Variants in KHDRBS2 observed in about 807,000 individuals in gnomAD.
KHDRBS2 encodes the protein KH RNA binding domain containing, signal transduction associated 2, also known as KH domain-containing, RNA-binding, signal transduction-associated protein 2.
A neutral mutation model predicts 44.3 loss-of-function variants in KHDRBS2; 26 were observed. The observed-to-expected ratio is 0.59, with a 90% confidence interval of 0.43 to 0.81. The LOEUF is 0.81. Ranked by LOEUF, KHDRBS2 falls within the 40% of genes least tolerant of loss-of-function variation. The probability of loss-of-function intolerance (pLI) is 0.00; values close to 1 mark genes in which losing one functional copy is unlikely to be tolerated. For synonymous variants in KHDRBS2, 194 were observed against 151.1 expected (o/e 1.28, Z -2.08); for missense variants, 476 against 433.1 (o/e 1.10, Z -0.88).
intron 6 of KHDRBS2, among the ~76,000 whole-genome samples, chr6:61,763,569 G>T (rs1392789753): frequency 1.3e-5 from 2 of 152,096 alleles, no homozygotes; most frequent in African/African-American, 4.8e-5. Context: ...ATCATTAGGA[G>T]CCCTTTTAGA....
intron 4 of KHDRBS2, among the ~76,000 whole-genome samples, chr6:61,953,729 G>A (rs1348781465): frequency 6.6e-6 from 1 of 152,104 alleles, no homozygotes; most frequent in Non-Finnish European, 1.5e-5. Context: ...AAAACAATTT[G>A]CTGACACTGT....
At chr6:61,728,195 C>T (rs921011395) in intron 7 of KHDRBS2, among the ~76,000 whole-genome samples, 1 of 151,972 alleles carries the variant, frequency 6.6e-6, no homozygotes, top group Non-Finnish European at 1.5e-5. Flanking sequence ...GAAGAGAAAA[C>T]CAAAAACCAC....
chr6:61,721,089 G>A (rs1354454893), intron 7 of KHDRBS2, among the ~76,000 whole-genome samples: 4 of 151,552 alleles, frequency 2.6e-5, no homozygotes, highest in African/African-American at 7.3e-5. Flanking sequence ...AGATAGTTGT[G>A]GATATGCGGC....
intron 3 of KHDRBS2, among the ~76,000 whole-genome samples, chr6:62,006,429 G>A (rs772090126): frequency 1.3e-5 from 2 of 151,884 alleles, no homozygotes; most frequent in Non-Finnish European, 2.9e-5. Flanking sequence ...TTTCAAGAAG[G>A]AATAAATCAA....
chr6:61,591,428 T>G, the KHDRBS2 span, among the ~76,000 whole-genome samples: 2 of 152,060 alleles, frequency 1.3e-5, no homozygotes, highest in Non-Finnish European at 2.9e-5. Flanking sequence ...AAATGAAAAG[T>G]AAAACAATAG....
At chr6:61,842,902 T>C (rs927763986) in intron 6 of KHDRBS2, among the ~76,000 whole-genome samples, 3 of 152,106 alleles carry the variant, frequency 2.0e-5, no homozygotes, top group Non-Finnish European at 1.5e-5. Context: ...TCTCTATAGA[T>C]ACATATAATC....
the KHDRBS2 span, among the ~76,000 whole-genome samples, chr6:61,648,552 T>C: frequency 9.9e-5 from 15 of 152,138 alleles, no homozygotes; most frequent in African/African-American, 3.4e-4. Flanking sequence ...TCCTCGAATT[T>C]AGAGATGAAC....
At chr6:62,119,692 C>G (rs1299590280) in intron 2 of KHDRBS2, among the ~76,000 whole-genome samples, 1 of 152,186 alleles carries the variant, frequency 6.6e-6, no homozygotes, top group African/African-American at 2.4e-5. Flanking sequence ...CCAGAGGAAA[C>G]AGCCTCCCTG....
rs138910100 is a variant in KHDRBS2 at position 61,724,597 on chromosome 6, A to G, written c.893+8085T>C. ...ATGTGCAAAGACACACATAGGCTCAAAATAAAGGGATGGAGGAGAATTTAC... is the reference window on the plus strand; with the variant it reads ...ATGTGCAAAGACACACATAGGCTCAGAATAAAGGGATGGAGGAGAATTTAC... On this transcript the variant is annotated intron_variant, in intron 7 of 8. Transcript: ENST00000281156. Among the ~76,000 whole-genome samples, 1,372 of 152,308 alleles carry G rather than the reference A, an allele frequency of 9.0e-3. 10 individuals carry two copies. The highest frequency in any genetic ancestry group is 0.01 in the Middle Eastern group (3 of 294).
At chr6:62,072,253 G>C (rs1399280976) in intron 2 of KHDRBS2, among the ~76,000 whole-genome samples, 1 of 152,096 alleles carries the variant, frequency 6.6e-6, no homozygotes, top group African/African-American at 2.4e-5. Flanking sequence ...TGAGACGATG[G>C]GGTTTTCTAG....
At chr6:61,997,311 T>C (rs1341536388) in intron 3 of KHDRBS2, among the ~76,000 whole-genome samples, 1 of 152,190 alleles carries the variant, frequency 6.6e-6, no homozygotes, top group Non-Finnish European at 1.5e-5. Context: ...GGTACATAAA[T>C]ACTTGATAAG....
intron 3 of KHDRBS2, among the ~76,000 whole-genome samples, chr6:62,018,395 C>A (rs764503981): frequency 6.6e-6 from 1 of 151,284 alleles, no homozygotes; most frequent in Non-Finnish European, 1.5e-5. Flanking sequence ...TTATCAAAAC[C>A]AGGCCGGAGT....
chr6:62,131,467 C>A (rs566400692), intron 2 of KHDRBS2, among the ~76,000 whole-genome samples: 66 of 152,286 alleles, frequency 4.3e-4, no homozygotes, highest in African/African-American at 1.5e-3. Flanking sequence ...CTAGCAGCAT[C>A]AAGCTGTACC....
At chr6:62,030,289 C>T (rs1451673585) in intron 3 of KHDRBS2, among the ~76,000 whole-genome samples, 1 of 151,992 alleles carries the variant, frequency 6.6e-6, no homozygotes, top group Non-Finnish European at 1.5e-5. Context: ...ATATAATTTT[C>T]TAAAGTATCA....
In KHDRBS2 at chr6:62,069,915, C is replaced by G. The variant is rs1449231132; in HGVS notation, c.220-21921G>C. ...AGTAAATGATAAAGTACACTAGTATCTACATACATTTTATGCATTGATGGA... is the reference window on the plus strand; with the variant it reads ...AGTAAATGATAAAGTACACTAGTATGTACATACATTTTATGCATTGATGGA... On this transcript the variant is annotated intron_variant, in intron 2 of 8. Coordinates refer to ENST00000281156, the MANE Select transcript of KHDRBS2 (RefSeq NM_152688.4). Among the ~76,000 whole-genome samples the G allele has an allele frequency of 2.6e-5, 4 of 151,710 alleles. No homozygotes were observed. In the East Asian group the frequency reaches 7.8e-4, roughly 30 times the overall value.
At chr6:62,050,225 T>C (rs984140071) in intron 2 of KHDRBS2, among the ~76,000 whole-genome samples, 1 of 151,938 alleles carries the variant, frequency 6.6e-6, no homozygotes, top group African/African-American at 2.4e-5. Context: ...TTCTCACTCA[T>C]AAGTGGGAGT....
chr6:62,101,964 T>A (rs1269378266), intron 2 of KHDRBS2, among the ~76,000 whole-genome samples: 1 of 152,208 alleles, frequency 6.6e-6, no homozygotes, highest in African/African-American at 2.4e-5. Flanking sequence ...CCATGAAGTT[T>A]ACTCATATCT....
intron 5 of KHDRBS2, among the ~76,000 whole-genome samples, chr6:61,898,297 C>T (rs1803307552): frequency 6.6e-6 from 1 of 151,248 alleles, no homozygotes; most frequent in African/African-American, 2.4e-5. Context: ...TTGGTATGAC[C>T]AATCTTTAAT....
intron 1 of KHDRBS2, among the ~76,000 whole-genome samples, chr6:62,207,542 C>T (rs991965590): frequency 7.9e-5 from 12 of 151,992 alleles, no homozygotes; most frequent in Non-Finnish European, 1.2e-4. Context: ...AGTAAAAATC[C>T]ATGTGAATTT....
Sources: gnomAD v4.1 joint callset for allele counts (sites outside exome capture counted in the v4.1 genomes callset) on GRCh38, gnomAD v4.1.1 for gene constraint, MANE v1.5 for transcripts, NCBI Gene and HGNC (gene_info 2026-07-23, HGNC 2026-07-21) for gene names.